POC1B: variants seen among roughly 807,000 people sequenced by gnomAD.
The protein encoded by POC1B is POC1 centriolar protein homolog B.
Under a neutral mutation model 60.6 loss-of-function variants are expected in POC1B, and 44 were observed. That is an observed-to-expected ratio of 0.73 (90% CI 0.57 to 0.93). The LOEUF (loss-of-function observed/expected upper bound fraction) is 0.93. POC1B is among the 40% of genes least tolerant of loss of function. The pLI, the probability that POC1B is intolerant of heterozygous loss-of-function variation, is 0.00. For missense variants in POC1B, 555 were observed against 572.3 expected, an observed-to-expected ratio of 0.97 and a Z score of 0.31; for synonymous variants, 180 against 198.9, an observed-to-expected ratio of 0.90 and a Z score of 0.80.
At chr12:89,430,961 A>T (rs1881005136) in intron 10 of POC1B, among the ~76,000 whole-genome samples, 1 of 152,190 alleles carries the variant, frequency 6.6e-6, no homozygotes, top group African/African-American at 2.4e-5. Flanking sequence ...TAAAAATTAC[A>T]ATCTTAAATG....
chr12:89,439,863 G>T (rs1240345708), intron 10 of POC1B, among the ~76,000 whole-genome samples: 1 of 152,000 alleles, frequency 6.6e-6, no homozygotes, highest in East Asian at 1.9e-4. Flanking sequence ...CCTCAGCCTC[G>T]CAAAGTGCTG....
chr12:89,476,630 C>T (rs1219286926), intron 4 of POC1B, among the ~76,000 whole-genome samples: 1 of 151,996 alleles, frequency 6.6e-6, no homozygotes, highest in Admixed American at 6.5e-5. Context: ...ATCAGGGAGG[C>T]GGAGGCTGCA....
At position 89,444,931 on chromosome 12, in the gene POC1B, C is replaced by A. The variant is rs533152762; in HGVS notation, c.1113+14707G>T. 4.8e-3 allele frequency among the ~76,000 whole-genome samples: 731 copies of A among 152,220 alleles called. 3 individuals carry two copies. Among genetic ancestry groups the A allele is most frequent in the African/African-American group, 0.017 (688 of 41,520 alleles). On this transcript the variant is annotated intron_variant, in intron 10 of 11. Coordinates refer to ENST00000313546, the MANE Select transcript of POC1B (RefSeq NM_172240.3). ...AGTCTCAGGATACAAAATCAATGTG[C>A]AAAAATCACAAGCATTCCTATATAC...
intron 10 of POC1B, among the ~76,000 whole-genome samples, chr12:89,440,511 A>C (rs1226278848): frequency 6.6e-6 from 1 of 152,214 alleles, no homozygotes; most frequent in African/African-American, 2.4e-5. Flanking sequence ...TTTTTAGTAC[A>C]TTTTCACTTT....
intron 1 of POC1B, 148 bp from the exon 2 acceptor site, chr12:89,525,352 C>G: frequency 1.4e-6 from 2 of 1,430,026 alleles, no homozygotes; most frequent in Non-Finnish European, 1.8e-6. Flanking sequence ...GGCAGCAGCC[C>G]ACCCACGGGC....
chr12:89,461,327 G>A (rs1882474731), intron 9 of POC1B: 1 of 152,076 alleles, frequency 6.6e-6, no homozygotes, highest in Non-Finnish European at 1.5e-5. Flanking sequence ...AAAACAGAGA[G>A]GGAGATGAGT....
At chr12:89,471,470 G>A (rs1358571047) in intron 6 of POC1B, 144 bp downstream of exon 6, 3 of 559,998 alleles carry the variant, frequency 5.4e-6, no homozygotes, top group Non-Finnish European at 9.4e-6. Flanking sequence ...TGCTGTTGAT[G>A]GGAGCTAATT....
chr12:89,454,734 C>T (rs1377108195), intron 10 of POC1B, among the ~76,000 whole-genome samples: 1 of 152,174 alleles, frequency 6.6e-6, no homozygotes. Context: ...GCCTTTTTCA[C>T]CTTTGCATTC....
intron 2 of POC1B, among the ~76,000 whole-genome samples, chr12:89,512,695 G>A (rs1021212778): frequency 6.6e-6 from 1 of 152,210 alleles, no homozygotes; most frequent in African/African-American, 2.4e-5. Context: ...AGGAGGTCAA[G>A]GCTGCAGTGT....
intron 2 of POC1B, chr12:89,499,951 G>A (rs1366483196): frequency 1.3e-5 from 8 of 611,822 alleles, no homozygotes; most frequent in East Asian, 2.8e-5. Flanking sequence ...CAGCTCTTGC[G>A]GCGGCCATCG....
At chr12:89,515,093 T>G (rs1870383614) in intron 2 of POC1B, among the ~76,000 whole-genome samples, 1 of 152,148 alleles carries the variant, frequency 6.6e-6, no homozygotes, top group African/African-American at 2.4e-5. Flanking sequence ...CTCTTTCACA[T>G]GTCAGCTACT....
chr12:89,504,081 C>T (rs1414783290), intron 2 of POC1B, among the ~76,000 whole-genome samples: 1 of 152,128 alleles, frequency 6.6e-6, no homozygotes, highest in Non-Finnish European at 1.5e-5. Context: ...CCCCTCTGCC[C>T]GGCCACCACC....
chr12:89,444,323 T>C (rs927207885), intron 10 of POC1B, among the ~76,000 whole-genome samples: 3 of 152,162 alleles, frequency 2.0e-5, no homozygotes, highest in Non-Finnish European at 2.9e-5. Flanking sequence ...TTTAGACCAA[T>C]ATCCCTGATG....
chr12:89,485,930 A>T (rs1172729952), intron 4 of POC1B, among the ~76,000 whole-genome samples: 1 of 151,818 alleles, frequency 6.6e-6, no homozygotes, highest in Non-Finnish European at 1.5e-5. Context: ...TATCTTGAAC[A>T]CTCTCCTGAC....
intron 4 of POC1B, among the ~76,000 whole-genome samples, chr12:89,477,186 G>T (rs1157684448): frequency 6.6e-6 from 1 of 152,158 alleles, no homozygotes; most frequent in Non-Finnish European, 1.5e-5. Flanking sequence ...GATAGAATTT[G>T]ATGTTTACAG....
chr12:89,429,619 A>T (rs556267998), intron 10 of POC1B, among the ~76,000 whole-genome samples: 1 of 152,270 alleles, frequency 6.6e-6, no homozygotes, highest in South Asian at 2.1e-4. Context: ...TACAATGATA[A>T]ATGTACGTAT....
At position 89,436,680 on chromosome 12, in the gene POC1B, T is replaced by C. The variant is rs114509324; in HGVS notation, c.1114-11301A>G. ...AGTGAGCCGAGATCGCTATACTGTA[T>C]TCCAGCTTGGGCGATGGAGCAAGAC... On this transcript the variant is annotated intron_variant, in intron 10 of 11. Coordinates refer to ENST00000313546, the MANE Select transcript of POC1B (RefSeq NM_172240.3). Among the ~76,000 whole-genome samples the C allele has an allele frequency of 3.1e-3, 472 of 151,912 alleles. 4 individuals carry two copies. Among genetic ancestry groups the C allele is most frequent in the African/African-American group, 0.011 (457 of 41,410 alleles).
intron 10 of POC1B, among the ~76,000 whole-genome samples, chr12:89,450,798 T>G (rs1290413027): frequency 1.3e-5 from 2 of 152,242 alleles, no homozygotes; most frequent in African/African-American, 4.8e-5. Context: ...TAGGCATCCT[T>G]GAATAGAAAT....
intron 1 of POC1B, chr12:89,525,625 G>C: frequency 1.6e-6 from 2 of 1,281,852 alleles, no homozygotes; most frequent in South Asian, 2.8e-5. Context: ...AATTCTGGGG[G>C]CCGTGGGGCC....
Sources: gnomAD v4.1 joint callset for allele counts (sites outside exome capture counted in the v4.1 genomes callset) on GRCh38, gnomAD v4.1.1 for gene constraint, MANE v1.5 for transcripts, NCBI Gene and HGNC (gene_info 2026-07-23, HGNC 2026-07-21) for gene names.